PTPRN2: variants seen among roughly 807,000 people sequenced by gnomAD.
PTPRN2 encodes the protein protein tyrosine phosphatase receptor type N2, also known as receptor-type tyrosine-protein phosphatase N2.
PTPRN2 carries 74 observed loss-of-function variants against 118.8 expected under a neutral mutation model. That is an observed-to-expected ratio of 0.62 (90% CI 0.52 to 0.76). The LOEUF is 0.76. PTPRN2 is among the 30% of genes least tolerant of loss of function. PTPRN2 has a pLI of 0.00. For synonymous variants in PTPRN2, 641 were observed against 608.0 expected (o/e 1.05, Z -0.80); for missense variants, 1,481 against 1,394.4 (o/e 1.06, Z -0.99).
At position 158,544,327 on chromosome 7, in the gene PTPRN2, C is replaced by T. The variant is rs1278049195; in HGVS notation, c.112+43231G>A. Among the ~76,000 whole-genome samples, 2 of 152,034 alleles carry T rather than the reference C, an allele frequency of 1.3e-5. No individual in the cohort carries two copies. Among genetic ancestry groups the T allele is most frequent in the Non-Finnish European group, 2.9e-5 (2 of 68,008 alleles). ...ATGTGGCCCAACACAAATTCATAAA[C>T]TTTCTTAAAACATTATGAGATTTTT... On this transcript the variant is annotated intron_variant, in intron 1 of 22. Coordinates refer to ENST00000389418, the MANE Select transcript of PTPRN2 (RefSeq NM_002847.5). The surrounding 1 kb of genome is among the most constrained non-coding windows in gnomAD (Gnocchi z 4.2).
chr7:158,066,040 A>T (rs1320460268), intron 11 of PTPRN2, among the ~76,000 whole-genome samples: 1 of 152,168 alleles, frequency 6.6e-6, no homozygotes. Context: ...CAGTTTACCT[A>T]TGTGTCCCAC....
At chr7:157,796,989 C>T (rs1025616802) in intron 12 of PTPRN2, among the ~76,000 whole-genome samples, 2 of 152,174 alleles carry the variant, frequency 1.3e-5, no homozygotes, top group East Asian at 1.9e-4. Context: ...TGATCTGCCT[C>T]GAGTTCCGAC....
At position 158,314,676 on chromosome 7, in the gene PTPRN2, C is replaced by T. The variant is rs982270943; in HGVS notation, c.277+2143G>A. Reference sequence around the variant, plus strand: ...GCGCCCTGGCCCACACCGCCACACGCGTTTCTCTCAACCCGCAGTTTGGCT... The same window carrying T: ...GCGCCCTGGCCCACACCGCCACACGTGTTTCTCTCAACCCGCAGTTTGGCT... On this transcript the variant is annotated intron_variant, in intron 3 of 22. Transcript: ENST00000389418. Among the ~76,000 whole-genome samples, 12 of 18,014 alleles carry T rather than the reference C, an allele frequency of 6.7e-4. No homozygotes were observed. The South Asian group carries it at 0.021, about 31-fold the overall frequency. The allele number at this position is 18,014 out of a possible 152,430, so 11.8% of individuals were successfully genotyped here.
chr7:157,981,310 G>A (rs986638550), intron 11 of PTPRN2, among the ~76,000 whole-genome samples: 25 of 126,940 alleles, frequency 2.0e-4, no homozygotes, highest in African/African-American at 7.8e-4. Context: ...TGCTATTCCA[G>A]GACAGGTGAA....
At chr7:158,051,842 G>A (rs1481749403) in intron 11 of PTPRN2, among the ~76,000 whole-genome samples, 1 of 152,180 alleles carries the variant, frequency 6.6e-6, no homozygotes, top group Non-Finnish European at 1.5e-5. Flanking sequence ...CGGCTGCCAG[G>A]CATCTGTAAA....
intron 3 of PTPRN2, among the ~76,000 whole-genome samples, chr7:158,312,864 A>G (rs1228532388): frequency 6.7e-6 from 1 of 149,236 alleles, no homozygotes; most frequent in Non-Finnish European, 1.5e-5. Context: ...ATGTGTGTGG[A>G]TGTCTACACA....
At chr7:158,270,580 C>T (rs1187149448) in intron 3 of PTPRN2, among the ~76,000 whole-genome samples, 1 of 152,074 alleles carries the variant, frequency 6.6e-6, no homozygotes, top group African/African-American at 2.4e-5. Flanking sequence ...GCTGAACACC[C>T]CAGGGGAAAC....
intron 6 of PTPRN2, among the ~76,000 whole-genome samples, chr7:158,163,216 T>C (rs7811514): frequency 0.62 from 93,080 of 151,176 alleles, 29,695 homozygotes; most frequent in East Asian, 0.78. Flanking sequence ...GTATATTTCA[T>C]AGGTGATGCC....
Position 157,624,352 on chromosome 7 carries a change from C to T in PTPRN2, c.2197-2843G>A, listed in dbSNP as rs575567814. Among the ~76,000 whole-genome samples the T allele has an allele frequency of 7.9e-4, 120 of 151,724 alleles. 1 individual carries two copies. Among genetic ancestry groups the T allele is most frequent in the African/African-American group, 2.7e-3 (111 of 41,340 alleles). ...AGGAGAATCGCTTGAACCTGGGAAG[C>T]GGATGTTGCAGTGAACCGAGATCGC... On this transcript the variant is annotated intron_variant, in intron 14 of 22. Transcript: ENST00000389418.
intron 2 of PTPRN2, among the ~76,000 whole-genome samples, chr7:158,467,300 T>C (rs1481383011): frequency 1.3e-5 from 2 of 152,028 alleles, no homozygotes; most frequent in East Asian, 3.9e-4. Context: ...TTGTGTGTTG[T>C]TTGTTTGTTT....
rs1284948819 is a variant in PTPRN2, at chr7:158,166,935, G to C, written c.906C>G (p.Gly302=). ...CACCAAGCGGGGCTGGCTCACCATC[G>C]CCTGTGCTGGAGGGGTCTTCGGAAT... ...LGDSEDPSST[G]DGARIHTLLK... is the part of the protein sequence containing the mutation. Residue 302 remains glycine, a synonymous_variant, in exon 6 of 23, where the codon GGC becomes GGG. Coordinates refer to ENST00000389418, the MANE Select transcript of PTPRN2 (RefSeq NM_002847.5). 13 of 1,424,902 alleles carry C rather than the reference G, an allele frequency of 9.1e-6. No homozygotes were observed. The highest frequency in any genetic ancestry group is 3.0e-5 in the Admixed American group (1 of 33,490). 88.3% of individuals were successfully genotyped at this position (1,424,902 alleles called of 1,614,324 possible). A position where few individuals can be genotyped will look rare whatever the true frequency, so the allele number is the denominator to read the frequency against.
chr7:158,373,200 C>T lies in PTPRN2; in HGVS notation c.164-56268G>A, dbSNP rs542603463. 5.9e-5 allele frequency among the ~76,000 whole-genome samples: 9 copies of T among 152,354 alleles called. No individual in the cohort carries two copies. In the South Asian group the frequency reaches 8.3e-4, roughly 14 times the overall value. On this transcript the variant is annotated intron_variant, in intron 2 of 22. Coordinates refer to ENST00000389418, the MANE Select transcript of PTPRN2 (RefSeq NM_002847.5). ...TGACAGCAGATGTGCTTTCCTCTGA[C>T]GCCCGTACGCTGCGGAATCGCATTA...
At chr7:158,213,445 T>C (rs951346912) in intron 3 of PTPRN2, among the ~76,000 whole-genome samples, 1 of 152,172 alleles carries the variant, frequency 6.6e-6, no homozygotes, top group African/African-American at 2.4e-5. Context: ...TGGCATTACC[T>C]GAAGTGAAGA....
At chr7:158,103,533 T>C (rs1815418753) in intron 10 of PTPRN2, among the ~76,000 whole-genome samples, 1 of 152,234 alleles carries the variant, frequency 6.6e-6, no homozygotes, top group African/African-American at 2.4e-5. Context: ...GGAGATTCCC[T>C]TCCTCTCCAG....
At chr7:158,282,575 G>A (rs1340236977) in intron 3 of PTPRN2, among the ~76,000 whole-genome samples, 1 of 152,262 alleles carries the variant, frequency 6.6e-6, no homozygotes, top group Non-Finnish European at 1.5e-5. Context: ...GAGTTCTGAA[G>A]GAGACAGCAC....
chr7:158,083,982 C>A (rs1483442321), intron 10 of PTPRN2, among the ~76,000 whole-genome samples: 1 of 72,184 alleles, frequency 1.4e-5, no homozygotes, highest in Non-Finnish European at 3.4e-5. Flanking sequence ...GGCCCCACTA[C>A]AGGTCTAACT....
intron 11 of PTPRN2, among the ~76,000 whole-genome samples, chr7:158,038,762 TATA>T (rs1808250084): frequency 9.8e-6 from 1 of 101,792 alleles, no homozygotes; most frequent in African/African-American, 3.8e-5. Flanking sequence ...AATATAGAAA[TATA>T]AGATTATACA....
At chr7:157,840,135 GT>G in intron 12 of PTPRN2, among the ~76,000 whole-genome samples, 1 of 149,430 alleles carries the variant, frequency 6.7e-6, no homozygotes, top group African/African-American at 2.5e-5. Context: ...CTGTGTGGCC[GT>G]CACTGTTACC....
rs1282392748 is a variant in PTPRN2 at position 157,977,365 on chromosome 7, T to C, written c.1724-78628A>G. 6.6e-6 allele frequency among the ~76,000 whole-genome samples: 1 copy of C among 151,900 alleles called. No individual in the cohort carries two copies. The highest frequency in any genetic ancestry group is 2.4e-5 in the African/African-American group (1 of 41,500). ...CGTCAAGTGGGAGGGGTTAATGTGC[T>C]CTGGAGTGACAGGGGTGGGAGGGGT... On this transcript the variant is annotated intron_variant, in intron 11 of 22. Coordinates refer to ENST00000389418, the MANE Select transcript of PTPRN2 (RefSeq NM_002847.5). The surrounding 1 kb of genome is among the most constrained non-coding windows in gnomAD (Gnocchi z 4.6).
Sources: allele counts gnomAD v4.1 joint callset (sites outside exome capture counted in the v4.1 genomes callset), GRCh38; gene constraint gnomAD v4.1.1; non-coding constraint Gnocchi (gnomAD v3.1); transcripts MANE v1.5; gene names NCBI Gene and HGNC (gene_info 2026-07-23, HGNC 2026-07-21).